The following DOCK4 variants were observed in gnomAD, a reference collection of about 807,000 sequenced individuals.
DOCK4 encodes dedicator of cytokinesis 4.
In DOCK4, 97 loss-of-function variants were observed where a neutral mutation model predicts 268.1. The ratio of observed to expected loss-of-function variants is 0.36; its 90% CI spans 0.31 to 0.43. The LOEUF is 0.43. DOCK4 is among the 20% of genes least tolerant of loss of function. The probability of loss-of-function intolerance (pLI) is 1.00; values close to 1 mark genes in which losing one functional copy is unlikely to be tolerated. For synonymous variants in DOCK4, 954 were observed against 887.2 expected, an observed-to-expected ratio of 1.08 and a Z score of -1.34; for missense variants, 2,145 against 2,455.7, an observed-to-expected ratio of 0.87 and a Z score of 2.67.
intron 39 of DOCK4, among the ~76,000 whole-genome samples, chr7:111,762,757 GTTTTCT>G (rs1797501570): frequency 3.6e-5 from 2 of 55,012 alleles, no homozygotes; most frequent in African/African-American, 6.7e-5. Flanking sequence ...ATTTTGTTTT[GTTTTCT>G]TTTTTTTTTT....
intron 1 of DOCK4, among the ~76,000 whole-genome samples, chr7:112,141,706 T>G (rs1395286770): frequency 6.6e-6 from 1 of 152,198 alleles, no homozygotes; most frequent in Non-Finnish European, 1.5e-5. Flanking sequence ...AAATTAGGGT[T>G]GCAAACTCAA....
rs1015755023 is a variant in DOCK4, at chr7:111,843,015, ACATCCTAT to A, written c.2736+1740_2736+1747del. 2.0e-4 allele frequency among the ~76,000 whole-genome samples: 31 copies of A among 152,244 alleles called. 1 individual carries two copies. The highest frequency in any genetic ancestry group is 3.1e-4 in the Non-Finnish European group (21 of 68,036). ...TGTCTTGGTCATAAGAGAAAATAACACATCCTATCAAGAACTAAGAAAACCTCAAATTG... is the reference window on the plus strand; with the variant it reads ...TGTCTTGGTCATAAGAGAAAATAACACAAGAACTAAGAAAACCTCAAATTG... On this transcript the variant is annotated intron_variant, in intron 25 of 52. Coordinates refer to ENST00000428084, the MANE Select transcript of DOCK4 (RefSeq NM_001363540.2).
intron 1 of DOCK4, among the ~76,000 whole-genome samples, chr7:112,034,595 G>A (rs1160966868): frequency 6.6e-6 from 1 of 152,162 alleles, no homozygotes; most frequent in Non-Finnish European, 1.5e-5. Context: ...AGTGGGCAGG[G>A]GCCTAGGGTA....
Position 111,994,227 on chromosome 7 carries a change from A to G in DOCK4, c.223T>C (p.Phe75Leu). 4.4e-6 allele frequency: 7 copies of G among 1,576,602 alleles called. No individual in the cohort carries two copies. The highest frequency in any genetic ancestry group is 2.3e-5 in the South Asian group (2 of 85,440). ...TCTTCAGTGGGAATAACCATTTCAA[A>G]TTGTCTGTGAAATTAAAAAAGAAAA... ...KNACVKNKGQ[F>L]EMVIPTEDSV... The change falls in exon 5 of 53, where the codon TTT (phenylalanine) becomes CTT (leucine). Residue 75 changes from phenylalanine (F) to leucine (L), a missense_variant. By Grantham distance (22) the Phe-to-Leu change is conservative. This residue lies in a region of DOCK4 where 1,598 missense variants were observed against 1,986.7 expected (regional missense o/e 0.80). Transcript: ENST00000428084.
intron 16 of DOCK4, among the ~76,000 whole-genome samples, chr7:111,884,284 C>A (rs1001297733): frequency 6.6e-6 from 1 of 152,114 alleles, no homozygotes; most frequent in African/African-American, 2.4e-5. Flanking sequence ...CTCTGCACTG[C>A]GTGTATATTC....
rs888783289 is a variant in DOCK4 at position 111,973,795 on chromosome 7, T to A, written c.701+3337A>T. The stretch of plus-strand genomic sequence containing the variant: ...TAAAACAAGATCAAACTTTTGTTGA[T>A]AGTTGTTGAAGCTGGTGGAGGGTAC... On this transcript the variant is annotated intron_variant, in intron 8 of 52. Coordinates refer to ENST00000428084, the MANE Select transcript of DOCK4 (RefSeq NM_001363540.2). 2.0e-5 allele frequency among the ~76,000 whole-genome samples: 3 copies of A among 152,158 alleles called. No individual in the cohort carries two copies. The East Asian group carries it at 5.8e-4, about 29-fold the overall frequency.
In DOCK4 at chr7:111,790,575, A is replaced by G; in HGVS notation, c.3197T>C (p.Leu1066Pro). The G allele has an allele frequency of 6.2e-7, 1 of 1,613,840 alleles. No homozygotes were observed. The highest frequency in any genetic ancestry group is 8.5e-7 in the Non-Finnish European group (1 of 1,179,818). The change falls in exon 31 of 53, where the codon CTG becomes CCG. Residue 1066 changes from leucine (L) to proline (P), a missense_variant. By Grantham distance (98) the Leu-to-Pro change is moderately conservative (BLOSUM62 -3). Transcript: ENST00000428084. Reference sequence around the variant, plus strand: ...GGTCACTTCTAGGAAGGGGCCAATCAGGGCAGGGATAAAATGAAGCTTGTG... The same window carrying G: ...GGTCACTTCTAGGAAGGGGCCAATCGGGGCAGGGATAAAATGAAGCTTGTG... Reference protein sequence around the residue: ...GEHKLHFIPALIGPFLEVTLI... With the variant: ...GEHKLHFIPAPIGPFLEVTLI...
intron 23 of DOCK4, among the ~76,000 whole-genome samples, chr7:111,847,913 T>C (rs1408995864): frequency 6.6e-6 from 1 of 152,238 alleles, no homozygotes; most frequent in Non-Finnish European, 1.5e-5. Context: ...TAAGTTAACA[T>C]TATGTTTTTG....
chr7:112,188,867 T>G (rs1169583382), intron 1 of DOCK4, among the ~76,000 whole-genome samples: 3 of 152,248 alleles, frequency 2.0e-5, no homozygotes, highest in Non-Finnish European at 2.9e-5. Flanking sequence ...ACTTATTTTA[T>G]CTTTCTGAAT....
intron 8 of DOCK4, among the ~76,000 whole-genome samples, chr7:111,969,117 A>G (rs1156672476): frequency 2.4e-5 from 3 of 125,658 alleles, no homozygotes; most frequent in Non-Finnish European, 4.9e-5. Flanking sequence ...GCTAGATGAC[A>G]CATTAGTGGG....
chr7:112,191,998 A>G (rs1183296759), intron 1 of DOCK4, among the ~76,000 whole-genome samples: 1 of 148,260 alleles, frequency 6.7e-6, no homozygotes, highest in East Asian at 1.9e-4. Context: ...TAAATATTAT[A>G]TATTATATAG....
chr7:112,061,795 G>T (rs953902055), intron 1 of DOCK4, among the ~76,000 whole-genome samples: 3 of 144,762 alleles, frequency 2.1e-5, no homozygotes, highest in African/African-American at 7.9e-5. Flanking sequence ...GATGTACATG[G>T]TTTTAAAAAT....
At chr7:111,762,774 T>C (rs935213402) in intron 39 of DOCK4, among the ~76,000 whole-genome samples, 8,351 of 127,372 alleles carry the variant, frequency 0.066, 610 homozygotes, top group Non-Finnish European at 0.075. Flanking sequence ...TTTTTTTTTT[T>C]TTTTTTTTTT....
rs147577067 is a variant in DOCK4 at position 111,999,454 on chromosome 7, G to C, written c.163-951C>G. Among the ~76,000 whole-genome samples, 921 of 152,068 alleles carry C rather than the reference G, an allele frequency of 6.1e-3. 13 individuals are homozygous for C. The highest frequency in any genetic ancestry group is 0.021 in the African/African-American group (871 of 41,526). On this transcript the variant is annotated intron_variant, in intron 3 of 52. Coordinates refer to ENST00000428084, the MANE Select transcript of DOCK4 (RefSeq NM_001363540.2). ...GAAAAGTCAGACTTGAGGTTTATTA[G>C]AAGTGACAGAAATAACAGAGAAATC...
chr7:112,164,958 T>C (rs1381281030), intron 1 of DOCK4, among the ~76,000 whole-genome samples: 1 of 152,214 alleles, frequency 6.6e-6, no homozygotes, highest in Non-Finnish European at 1.5e-5. Flanking sequence ...ATTTGTTATC[T>C]TTCTAAGAAC....
intron 16 of DOCK4, among the ~76,000 whole-genome samples, chr7:111,888,805 G>A (rs910575092): frequency 4.6e-5 from 7 of 152,116 alleles, no homozygotes; most frequent in Admixed American, 6.6e-5. Context: ...AAATTGCAGC[G>A]CTGTATGGAA....
At chr7:112,105,408 TACA>T (rs1301702622) in intron 1 of DOCK4, among the ~76,000 whole-genome samples, 1 of 152,168 alleles carries the variant, frequency 6.6e-6, no homozygotes, top group Non-Finnish European at 1.5e-5. Context: ...GTGCTGTTTG[TACA>T]ACTTCTTAAT....
chr7:112,093,838 T>C (rs564396368), intron 1 of DOCK4, among the ~76,000 whole-genome samples: 1 of 150,328 alleles, frequency 6.7e-6, no homozygotes, highest in South Asian at 2.1e-4. Context: ...ACCATAACTT[T>C]AGGCCCTTAT....
chr7:112,153,546 G>A (rs1816302489), intron 1 of DOCK4, among the ~76,000 whole-genome samples: 1 of 152,088 alleles, frequency 6.6e-6, no homozygotes, highest in Non-Finnish European at 1.5e-5. Context: ...GCAATTCCCA[G>A]CTTATCAATT....
Sources: gnomAD v4.1 joint callset for allele counts (sites outside exome capture counted in the v4.1 genomes callset) on GRCh38, gnomAD v4.1.1 for gene constraint, gnomAD v4.1.1 regional missense constraint, MANE v1.5 for transcripts, NCBI Gene and HGNC (gene_info 2026-07-23, HGNC 2026-07-21) for gene names.